DCC: variants seen among roughly 807,000 people sequenced by gnomAD.
DCC encodes the protein DCC netrin 1 receptor, also known as netrin receptor DCC.
DCC carries 58 observed loss-of-function variants against 172.5 expected under a neutral mutation model. The observed-to-expected ratio is 0.34, with a 90% confidence interval of 0.27 to 0.42. DCC has a LOEUF of 0.42. Ranked by LOEUF, DCC falls within the 10% of genes least tolerant of loss-of-function variation. DCC has a pLI of 1.00. For synonymous variants in DCC, 709 were observed against 644.5 expected, an observed-to-expected ratio of 1.10 and a Z score of -1.52; for missense variants, 1,740 against 1,791.0, an observed-to-expected ratio of 0.97 and a Z score of 0.51.
At chr18:52,812,087 C>A (rs1568119593) in intron 2 of DCC, among the ~76,000 whole-genome samples, 1 of 152,066 alleles carries the variant, frequency 6.6e-6, no homozygotes, top group Non-Finnish European at 1.5e-5. Context: ...TAAGTAGAAA[C>A]CTTGTTGAGT....
At chr18:53,506,456 G>A (rs2046176692) in intron 27 of DCC, among the ~76,000 whole-genome samples, 1 of 152,086 alleles carries the variant, frequency 6.6e-6, no homozygotes, top group Non-Finnish European at 1.5e-5. Flanking sequence ...GCATAGAGTG[G>A]AAAAGACACT....
chr18:53,265,577 T>C (rs915481998), intron 12 of DCC, among the ~76,000 whole-genome samples: 2 of 152,200 alleles, frequency 1.3e-5, no homozygotes, highest in Admixed American at 1.3e-4. Context: ...CTTACCCTAA[T>C]CAAGTTTGAC....
At chr18:53,015,134 C>G (rs1160665589) in intron 5 of DCC, among the ~76,000 whole-genome samples, 1 of 152,080 alleles carries the variant, frequency 6.6e-6, no homozygotes, top group African/African-American at 2.4e-5. Flanking sequence ...TTTTGCCTCT[C>G]GAAAATTCTT....
At chr18:52,352,779 C>G (rs1237127824) in intron 1 of DCC, among the ~76,000 whole-genome samples, 1 of 152,150 alleles carries the variant, frequency 6.6e-6, no homozygotes, top group African/African-American at 2.4e-5. Flanking sequence ...TCTAAAGTCT[C>G]TGATGGTGAT....
chr18:53,522,519 T>A (rs949971338), intron 27 of DCC, among the ~76,000 whole-genome samples: 1 of 152,190 alleles, frequency 6.6e-6, no homozygotes, highest in African/African-American at 2.4e-5. Context: ...CTGCAAACTA[T>A]ACTACAAGGC....
intron 5 of DCC, among the ~76,000 whole-genome samples, chr18:53,035,180 G>GTGTA (rs1555698690): frequency 6.6e-6 from 1 of 151,896 alleles, no homozygotes; most frequent in Non-Finnish European, 1.5e-5. Flanking sequence ...GTGTGTGTGT[G>GTGTA]TGTGAATTTT....
At chr18:53,013,619 T>G (rs1330924542) in intron 5 of DCC, among the ~76,000 whole-genome samples, 1 of 151,702 alleles carries the variant, frequency 6.6e-6, no homozygotes, top group African/African-American at 2.4e-5. Context: ...GATGATGGGT[T>G]GATAGGTGCA....
At chr18:52,822,423 T>C (rs774358194) in intron 2 of DCC, among the ~76,000 whole-genome samples, 7 of 152,216 alleles carry the variant, frequency 4.6e-5, no homozygotes, top group African/African-American at 7.2e-5. Flanking sequence ...CCAAGAAGTC[T>C]ATTTATAGCT....
At position 53,495,913 on chromosome 18, in the gene DCC, G is replaced by A. The variant is rs185567359; in HGVS notation, c.3899-3385G>A. 1.3e-3 allele frequency among the ~76,000 whole-genome samples: 196 copies of A among 151,944 alleles called. 1 individual carries two copies. Among genetic ancestry groups the A allele is most frequent in the Non-Finnish European group, 2.6e-3 (175 of 67,986 alleles). On this transcript the variant is annotated intron_variant, in intron 26 of 28. Transcript: ENST00000442544. ...CCCAAGCTGGCTCTCTAGATTCCTC[G>A]TCTCTGGGCAGGGCATCTCTGAAAA...
At chr18:52,762,690 A>T (rs2145151314) in intron 2 of DCC, among the ~76,000 whole-genome samples, 1 of 151,986 alleles carries the variant, frequency 6.6e-6, no homozygotes, top group East Asian at 2.0e-4. Context: ...CAGGTATGGT[A>T]GTACATGCCT....
intron 1 of DCC, among the ~76,000 whole-genome samples, chr18:52,734,449 A>C (rs1477575977): frequency 6.6e-5 from 10 of 152,158 alleles, no homozygotes; most frequent in Non-Finnish European, 1.5e-4. Flanking sequence ...TGGCATGCTG[A>C]TGTTCAACAG....
intron 12 of DCC, among the ~76,000 whole-genome samples, chr18:53,285,323 C>T (rs571913151): frequency 6.0e-4 from 92 of 152,248 alleles, no homozygotes; most frequent in Middle Eastern, 6.8e-3. Flanking sequence ...CTATTGTGTG[C>T]AGTCTAGGGA....
At chr18:53,031,668 T>C (rs973960497) in intron 5 of DCC, among the ~76,000 whole-genome samples, 1 of 152,106 alleles carries the variant, frequency 6.6e-6, no homozygotes, top group Non-Finnish European at 1.5e-5. Context: ...ATAAATATAA[T>C]ATTAGGGTTC....
chr18:52,903,918 A>G (rs1027967211), intron 2 of DCC, among the ~76,000 whole-genome samples: 8 of 152,236 alleles, frequency 5.3e-5, no homozygotes, highest in Non-Finnish European at 4.4e-5. Context: ...TAATGCAGAC[A>G]GTCTGGAAAC....
intron 25 of DCC, among the ~76,000 whole-genome samples, chr18:53,482,280 C>T (rs2045841916): frequency 6.6e-6 from 1 of 152,102 alleles, no homozygotes; most frequent in African/African-American, 2.4e-5. Flanking sequence ...GCTATTCTAT[C>T]TGATGTCACA....
At chr18:52,893,633 T>C (rs2039685330) in intron 2 of DCC, among the ~76,000 whole-genome samples, 1 of 152,196 alleles carries the variant, frequency 6.6e-6, no homozygotes, top group Admixed American at 6.5e-5. Context: ...TATTCCTACC[T>C]TGGAATTCTG....
intron 9 of DCC, among the ~76,000 whole-genome samples, chr18:53,202,917 T>C (rs914590195): frequency 6.6e-6 from 1 of 152,158 alleles, no homozygotes; most frequent in African/African-American, 2.4e-5. Context: ...GTCAATGTAT[T>C]TAGTACTGTT....
At chr18:52,792,670 T>TG (rs1216777712) in intron 2 of DCC, among the ~76,000 whole-genome samples, 73 of 151,608 alleles carry the variant, frequency 4.8e-4, no homozygotes, top group African/African-American at 1.7e-3. Flanking sequence ...GCAGGCATGC[T>TG]AATGGTATTT....
chr18:53,218,147 T>G (rs1214980319), intron 12 of DCC, among the ~76,000 whole-genome samples: 16 of 152,096 alleles, frequency 1.1e-4, no homozygotes, highest in Admixed American at 1.0e-3. Context: ...CCATGCTCAA[T>G]TCATGAATTT....
Sources: gnomAD v4.1 joint callset for allele counts (sites outside exome capture counted in the v4.1 genomes callset) on GRCh38, gnomAD v4.1.1 for gene constraint, MANE v1.5 for transcripts, NCBI Gene and HGNC (gene_info 2026-07-23, HGNC 2026-07-21) for gene names.